Variants in PPARGC1A observed in about 807,000 individuals in gnomAD.
PPARGC1A encodes the protein PPARG coactivator 1 alpha, also known as peroxisome proliferator-activated receptor gamma coactivator 1-alpha.
PPARGC1A carries 25 observed loss-of-function variants against 88.7 expected under a neutral mutation model. The ratio of observed to expected loss-of-function variants is 0.28; its 90% CI spans 0.21 to 0.39. PPARGC1A has a LOEUF of 0.39. Among genes scored for constraint, PPARGC1A ranks in the 10% least tolerant of loss-of-function variants. PPARGC1A has a pLI of 1.00. For missense variants in PPARGC1A, 880 were observed against 968.7 expected, an observed-to-expected ratio of 0.91 and a Z score of 1.22; for synonymous variants, 363 against 355.6, an observed-to-expected ratio of 1.02 and a Z score of -0.24.
chr4:24,239,077 T>C, the PPARGC1A span, among the ~76,000 whole-genome samples: 2 of 152,140 alleles, frequency 1.3e-5, no homozygotes, highest in Non-Finnish European at 2.9e-5. Flanking sequence ...AAGTTGGATA[T>C]CAAGCAATGA....
the PPARGC1A span, among the ~76,000 whole-genome samples, chr4:24,013,331 T>C: frequency 6.6e-6 from 1 of 152,124 alleles, no homozygotes; most frequent in Non-Finnish European, 1.5e-5. Context: ...CACCATATAC[T>C]CTTCTTCTAC....
At chr4:24,248,934 T>C in the PPARGC1A span, among the ~76,000 whole-genome samples, 2 of 152,028 alleles carry the variant, frequency 1.3e-5, no homozygotes, top group East Asian at 3.9e-4. Flanking sequence ...CCGAGTAGAG[T>C]TGATAAAGCA....
At position 23,889,911 on chromosome 4, in the gene PPARGC1A, T is replaced by G. The variant is rs2148852946; in HGVS notation, c.47A>C (p.Asp16Ala). 6.2e-7 allele frequency: 1 copy of G among 1,613,576 alleles called. No individual in the cohort carries two copies. The highest frequency in any genetic ancestry group is 2.2e-5 in the East Asian group (1 of 44,864). Reference sequence around the variant, plus strand: ...AGCCCTGCCCCAGCTCACCTCGATGTCACTCCATACAGACTCAGAGTCCTG... The same window carrying G: ...AGCCCTGCCCCAGCTCACCTCGATGGCACTCCATACAGACTCAGAGTCCTG... ...CNQDSESVWSDIECAALVGED... is the reference protein window; with the variant it reads ...CNQDSESVWSAIECAALVGED... The change falls in exon 1 of 13, where the codon GAC becomes GCC. Residue 16 changes from aspartate to alanine, a missense_variant. Physicochemically the swap from Asp to Ala is moderately radical, Grantham distance 126. Coordinates refer to ENST00000264867, the MANE Select transcript of PPARGC1A (RefSeq NM_013261.5).
the PPARGC1A span, among the ~76,000 whole-genome samples, chr4:24,213,432 CG>C: frequency 6.6e-6 from 1 of 152,090 alleles, no homozygotes; most frequent in African/African-American, 2.4e-5. Context: ...TCCCAAAGTG[CG>C]GGGATTACAG....
the PPARGC1A span, among the ~76,000 whole-genome samples, chr4:24,026,573 A>G: frequency 3.3e-5 from 5 of 152,154 alleles, no homozygotes. Flanking sequence ...CAGTTTCAAA[A>G]AAAAAACTAA....
At chr4:24,275,408 C>A in the PPARGC1A span, among the ~76,000 whole-genome samples, 29 of 152,240 alleles carry the variant, frequency 1.9e-4, no homozygotes, top group African/African-American at 6.7e-4. Flanking sequence ...TAATCTAATA[C>A]CCCAGTTGAA....
chr4:24,121,536 ACCCTCTT>A, the PPARGC1A span, among the ~76,000 whole-genome samples: 1 of 151,486 alleles, frequency 6.6e-6, no homozygotes. Flanking sequence ...CCTCCGCCAT[ACCCTCTT>A]GGACACAGGA....
At chr4:23,951,184 T>C in the PPARGC1A span, among the ~76,000 whole-genome samples, 3 of 152,056 alleles carry the variant, frequency 2.0e-5, no homozygotes, top group Non-Finnish European at 2.9e-5. Flanking sequence ...GTATAAATGA[T>C]AACACAGAGG....
chr4:24,305,148 T>TATATATAC, the PPARGC1A span, among the ~76,000 whole-genome samples: 6 of 148,570 alleles, frequency 4.0e-5, no homozygotes, highest in East Asian at 2.0e-4. Context: ...TATATATATA[T>TATATATAC]ACATACACAC....
the PPARGC1A span, among the ~76,000 whole-genome samples, chr4:24,235,076 C>T: frequency 1.3e-5 from 2 of 152,182 alleles, no homozygotes; most frequent in East Asian, 3.9e-4. Context: ...AGTAATGATG[C>T]ATCAAGAAAA....
At chr4:24,220,679 C>T in the PPARGC1A span, among the ~76,000 whole-genome samples, 2 of 152,154 alleles carry the variant, frequency 1.3e-5, no homozygotes, top group South Asian at 4.2e-4. Context: ...ACACTGGGTG[C>T]ATAAGGACAG....
At chr4:24,078,941 C>G in the PPARGC1A span, among the ~76,000 whole-genome samples, 1 of 152,002 alleles carries the variant, frequency 6.6e-6, no homozygotes, top group African/African-American at 2.4e-5. Context: ...GCATTCTCCT[C>G]CATACTGAAA....
Position 23,868,820 on chromosome 4 carries a change from G to A in PPARGC1A, c.234+15932C>T, listed in dbSNP as rs117554116. 7.7e-4 allele frequency among the ~76,000 whole-genome samples: 117 copies of A among 152,286 alleles called. 1 individual carries two copies. In the East Asian group the frequency reaches 0.019, roughly 25 times the overall value. ...TAAAATAGCATATTGTGACAATACC[G>A]TTTATGGAAATGGTGTCTATGGAAA... On this transcript the variant is annotated intron_variant, in intron 2 of 12. Transcript: ENST00000264867.
the PPARGC1A span, among the ~76,000 whole-genome samples, chr4:24,123,616 T>G: frequency 6.6e-6 from 1 of 152,180 alleles, no homozygotes; most frequent in South Asian, 2.1e-4. Flanking sequence ...TTGGACATTA[T>G]TCTGAGGTCC....
chr4:24,087,833 G>A, the PPARGC1A span, among the ~76,000 whole-genome samples: 11 of 152,282 alleles, frequency 7.2e-5, no homozygotes, highest in African/African-American at 2.6e-4. Flanking sequence ...TCTAGAAATT[G>A]CATCTAGTTC....
At chr4:24,410,732 C>A in the PPARGC1A span, among the ~76,000 whole-genome samples, 2 of 152,154 alleles carry the variant, frequency 1.3e-5, no homozygotes, top group African/African-American at 4.8e-5. Flanking sequence ...AGTCTTCCAG[C>A]CTCCATCTTT....
chr4:24,399,635 T>C, the PPARGC1A span, among the ~76,000 whole-genome samples: 2 of 152,148 alleles, frequency 1.3e-5, no homozygotes, highest in African/African-American at 2.4e-5. Context: ...GGCCAGAACA[T>C]TGTAGGTTTT....
the PPARGC1A span, among the ~76,000 whole-genome samples, chr4:24,349,761 C>T: frequency 2.0e-5 from 3 of 152,224 alleles, no homozygotes; most frequent in South Asian, 6.2e-4. Context: ...TTTAGTTCTT[C>T]CCCGTCCTGT....
chr4:24,082,673 G>C, the PPARGC1A span, among the ~76,000 whole-genome samples: 3 of 152,010 alleles, frequency 2.0e-5, no homozygotes, highest in Non-Finnish European at 4.4e-5. Context: ...CTTTAGACAC[G>C]CAAGAGCTGC....
Sources: allele counts gnomAD v4.1 joint callset (sites outside exome capture counted in the v4.1 genomes callset), GRCh38; gene constraint gnomAD v4.1.1; transcripts MANE v1.5; gene names NCBI Gene and HGNC (gene_info 2026-07-23, HGNC 2026-07-21).